The following PDGFRA variants were observed in gnomAD, a reference collection of about 807,000 sequenced individuals.
PDGFRA encodes platelet derived growth factor receptor alpha.
In PDGFRA, 25 loss-of-function variants were observed where a neutral mutation model predicts 121.5. The ratio of observed to expected loss-of-function variants is 0.21; its 90% CI spans 0.15 to 0.29. The LOEUF (loss-of-function observed/expected upper bound fraction) is 0.29, where lower values mean the gene tolerates loss of function less well. Among genes scored for constraint, PDGFRA ranks in the 10% least tolerant of loss-of-function variants. The pLI is 1.00. For missense variants in PDGFRA, 1,008 were observed against 1,345.1 expected, an observed-to-expected ratio of 0.75 and a Z score of 3.92; for synonymous variants, 463 against 494.8, an observed-to-expected ratio of 0.94 and a Z score of 0.85.
At chr4:54,289,865 G>A (rs966275615) in intron 21 of PDGFRA, among the ~76,000 whole-genome samples, 4 of 152,246 alleles carry the variant, frequency 2.6e-5, no homozygotes, top group Admixed American at 2.6e-4. Context: ...TGGTGGAAAT[G>A]TGTTGGTGGG....
chr4:54,254,188 C>G (rs1208155915), intron 1 of PDGFRA, among the ~76,000 whole-genome samples: 2 of 152,224 alleles, frequency 1.3e-5, no homozygotes, highest in Admixed American at 6.5e-5. Context: ...AAGTCCCCAT[C>G]TTTCCCATTT....
intron 1 of PDGFRA, among the ~76,000 whole-genome samples, chr4:54,253,983 C>T (rs1577695430): frequency 6.6e-6 from 1 of 152,296 alleles, no homozygotes; most frequent in Admixed American, 6.5e-5. Flanking sequence ...TTGTGCCTGG[C>T]CTGTTCTCAC....
In PDGFRA at chr4:54,285,380, T is replaced by C. The variant is rs1479198937; in HGVS notation, c.2333T>C (p.Val778Ala). ...AATTTCTTTTCTGCAGACTCAGAAG[T>C]CAAAAACCTCCTTTCAGATGATAAC... ...YKKKSMLDSE[V>A]KNLLSDDNSE... Residue 778 changes from valine to alanine, a missense_variant, in exon 17 of 23, where the codon GTC becomes GCC. Val to Ala is a moderately conservative substitution (Grantham distance 64). Around this residue, in one of 5 missense-constraint regions of PDGFRA, gnomAD observed 128 missense variants for 147.6 expected, o/e 0.87. Transcript: ENST00000257290. The C allele has an allele frequency of 2.1e-6, 3 of 1,408,866 alleles. No individual in the cohort carries two copies. In the East Asian group the frequency reaches 6.8e-5, roughly 32 times the overall value. The allele number at this position is 1,408,866 out of a possible 1,614,324, so 87.3% of individuals were successfully genotyped here.
At chr4:54,291,335 A>G (rs1724622383) in intron 22 of PDGFRA, among the ~76,000 whole-genome samples, 1 of 152,236 alleles carries the variant, frequency 6.6e-6, no homozygotes, top group Admixed American at 6.5e-5. Flanking sequence ...GAAGAACAAC[A>G]GTTATTAAAA....
At chr4:54,234,286 A>C (rs191220499) in intron 1 of PDGFRA, among the ~76,000 whole-genome samples, 1 of 152,172 alleles carries the variant, frequency 6.6e-6, no homozygotes, top group African/African-American at 2.4e-5. Context: ...CGGGCTTTCA[A>C]CTGAGGTCAC....
intron 1 of PDGFRA, among the ~76,000 whole-genome samples, chr4:54,251,718 A>G (rs1451793101): frequency 1.3e-5 from 2 of 152,206 alleles, no homozygotes; most frequent in East Asian, 3.9e-4. Flanking sequence ...CAGGAGCCCC[A>G]AGTTATCTTG....
At chr4:54,247,202 C>T (rs1396409345) in intron 1 of PDGFRA, among the ~76,000 whole-genome samples, 2 of 152,158 alleles carry the variant, frequency 1.3e-5, no homozygotes, top group Non-Finnish European at 2.9e-5. Flanking sequence ...AGAGGGAATC[C>T]TCCCTAACTC....
intron 15 of PDGFRA, among the ~76,000 whole-genome samples, chr4:54,280,090 T>C (rs1039106168): frequency 2.0e-5 from 3 of 152,208 alleles, no homozygotes; most frequent in Admixed American, 2.0e-4. Context: ...CTCTGGTAGA[T>C]ACCCAGTAGT....
At chr4:54,255,909 TC>T (rs1232948534) in intron 1 of PDGFRA, among the ~76,000 whole-genome samples, 1 of 152,038 alleles carries the variant, frequency 6.6e-6, no homozygotes, top group Non-Finnish European at 1.5e-5. Context: ...ACAAATTGAG[TC>T]CTATTAGGCC....
intron 15 of PDGFRA, 39 bp from the exon 16 acceptor site, chr4:54,280,277 A>G (rs1381414082): frequency 1.9e-6 from 3 of 1,585,656 alleles, no homozygotes; most frequent in Admixed American, 3.3e-5. Context: ...CCACTTCAGA[A>G]GGGCACCCTG....
At chr4:54,264,892 G>A (rs2110257107) in intron 4 of PDGFRA, 27 bp from the exon 5 acceptor site, 1 of 1,601,984 alleles carries the variant, frequency 6.2e-7, no homozygotes, top group Non-Finnish European at 8.5e-7. Context: ...TGGATTTTTA[G>A]GCCCTTGTAT....
At chr4:54,285,748 C>A (rs2110336859) in intron 17 of PDGFRA, 93 bp from the exon 18 acceptor site, 2 of 1,381,142 alleles carry the variant, frequency 1.4e-6, no homozygotes, top group Non-Finnish European at 2.1e-6. Flanking sequence ...CAGACAGCTC[C>A]AAGTGCCACC....
intron 16 of PDGFRA, 89 bp downstream of exon 16, chr4:54,280,571 T>C (rs1284471322): frequency 9.0e-7 from 1 of 1,108,846 alleles, no homozygotes; most frequent in Non-Finnish European, 1.3e-6. Flanking sequence ...TGTATAGGGA[T>C]GGTAAGTGAA....
At position 54,272,427 on chromosome 4, in the gene PDGFRA, A is replaced by G; in HGVS notation, c.1271A>G (p.His424Arg). Residue 424 changes from histidine (H) to arginine (R), a missense_variant, in exon 9 of 23, where the codon CAC becomes CGC. His to Arg is a conservative substitution (Grantham distance 29, BLOSUM62 0). This residue lies in a region of PDGFRA where 575 missense variants were observed against 701.8 expected (regional missense o/e 0.82). Transcript: ENST00000257290. The stretch of plus-strand genomic sequence containing the variant: ...TCCATTCTGGACTTGGTCGATGATC[A>G]CCATGGCTCAACTGGGGGACAGACG... ...PSSILDLVDD[H>R]HGSTGGQTVR... 2.5e-6 allele frequency: 4 copies of G among 1,614,048 alleles called. No homozygotes were observed. Among genetic ancestry groups the G allele is most frequent in the Non-Finnish European group, 3.4e-6 (4 of 1,180,000 alleles).
rs144165770 is a variant in PDGFRA at position 54,286,319 on chromosome 4, TTTTATTTATTTA to T, written c.2562+388_2562+399del. On this transcript the variant is annotated intron_variant, in intron 18 of 22. Transcript: ENST00000257290. ...AAACAGCACTCAATAATGTTAGCTA[TTTTATTTATTTA>T]TTTATTTATTTATTTATTTATTTAT... Among the ~76,000 whole-genome samples the T allele has an allele frequency of 1.7e-3, 245 of 146,408 alleles. 3 individuals are homozygous for T. Among genetic ancestry groups the T allele is most frequent in the South Asian group, 2.0e-3 (9 of 4,504 alleles).
rs755384913 is a variant in PDGFRA, at chr4:54,274,510, CCT to C, written c.1559-12_1559-11del. The C allele has an allele frequency of 8.9e-6, 14 of 1,574,366 alleles. No individual in the cohort carries two copies. Among genetic ancestry groups the C allele is most frequent in the Non-Finnish European group, 1.1e-5 (13 of 1,145,046 alleles). ...GTCTGCCAGGAAACTTTTCATTGTGCCTCTCTCTCTTGTCACGTAGCCCTGCG... is the reference window on the plus strand; with the variant it reads ...GTCTGCCAGGAAACTTTTCATTGTGCCTCTCTCTTGTCACGTAGCCCTGCG... On this transcript the variant is annotated intron_variant, in intron 10 of 22. Transcript: ENST00000257290.
At chr4:54,284,230 C>G (rs1278986243) in intron 16 of PDGFRA, among the ~76,000 whole-genome samples, 1 of 152,158 alleles carries the variant, frequency 6.6e-6, no homozygotes, top group African/African-American at 2.4e-5. Flanking sequence ...AAGCATTTAA[C>G]CAGTCTCTAA....
chr4:54,278,652 C>G (rs1186393696), intron 15 of PDGFRA, 137 bp downstream of exon 15: 5 of 790,834 alleles, frequency 6.3e-6, no homozygotes, highest in Non-Finnish European at 1.1e-5. Context: ...CCACCCTGTC[C>G]AGTCTTTCCA....
chr4:54,262,250 A>T (rs1722790446), intron 3 of PDGFRA, among the ~76,000 whole-genome samples: 1 of 150,908 alleles, frequency 6.6e-6, no homozygotes, highest in African/African-American at 2.4e-5. Context: ...ATTTTTGTAG[A>T]GATAGGGTTT....
Sources: allele counts gnomAD v4.1 joint callset (sites outside exome capture counted in the v4.1 genomes callset), GRCh38; gene constraint gnomAD v4.1.1; regional missense constraint gnomAD v4.1.1; transcripts MANE v1.5; gene names NCBI Gene and HGNC (gene_info 2026-07-23, HGNC 2026-07-21).